Variants in SRGAP1 observed in about 807,000 individuals in gnomAD.
SRGAP1 encodes SLIT-ROBO Rho GTPase-activating protein 1.
A neutral mutation model predicts 121.9 loss-of-function variants in SRGAP1; 43 were observed. The ratio of observed to expected loss-of-function variants is 0.35; its 90% CI spans 0.28 to 0.46. The LOEUF (loss-of-function observed/expected upper bound fraction) is 0.46. Among genes scored for constraint, SRGAP1 ranks in the 20% least tolerant of loss-of-function variants. The probability of loss-of-function intolerance (pLI) is 1.00; values close to 1 mark genes in which losing one functional copy is unlikely to be tolerated. For synonymous variants in SRGAP1, 447 were observed against 485.4 expected (o/e 0.92, Z 1.04); for missense variants, 1,102 against 1,350.9 (o/e 0.82, Z 2.89).
chr12:63,919,282 TC>T (rs1333071193), intron 1 of SRGAP1, among the ~76,000 whole-genome samples: 1 of 152,016 alleles, frequency 6.6e-6, no homozygotes, highest in Non-Finnish European at 1.5e-5. Context: ...GATCTGGAAC[TC>T]CTGGGCTCAA....
At chr12:63,880,757 C>A (rs1424745471) in intron 1 of SRGAP1, among the ~76,000 whole-genome samples, 2 of 152,126 alleles carry the variant, frequency 1.3e-5, no homozygotes, top group Non-Finnish European at 2.9e-5. Context: ...TATTATACTG[C>A]CATTATTTTA....
intron 18 of SRGAP1, among the ~76,000 whole-genome samples, chr12:64,117,561 C>T (rs1592337596): frequency 6.6e-6 from 1 of 152,282 alleles, no homozygotes; most frequent in African/African-American, 2.4e-5. Context: ...TTCGCATCTC[C>T]TTTAAGAAAT....
chr12:63,913,512 T>C (rs2136319410), intron 1 of SRGAP1, among the ~76,000 whole-genome samples: 1 of 145,410 alleles, frequency 6.9e-6, no homozygotes, highest in African/African-American at 2.5e-5. Flanking sequence ...TATGTGTATA[T>C]ATATATACAT....
At chr12:64,101,441 T>G (rs367633859) in intron 15 of SRGAP1, among the ~76,000 whole-genome samples, 2 of 151,912 alleles carry the variant, frequency 1.3e-5, no homozygotes, top group African/African-American at 4.8e-5. Flanking sequence ...CAAAGGAAAT[T>G]TATCTTAGCA....
At chr12:63,854,431 T>C (rs1370503934) in intron 1 of SRGAP1, among the ~76,000 whole-genome samples, 4 of 152,150 alleles carry the variant, frequency 2.6e-5, no homozygotes, top group Non-Finnish European at 2.9e-5. Flanking sequence ...TGAGTAATAA[T>C]GGATGAAATT....
chr12:63,889,929 G>T (rs753478334), intron 1 of SRGAP1, among the ~76,000 whole-genome samples: 2 of 151,798 alleles, frequency 1.3e-5, no homozygotes, highest in African/African-American at 2.4e-5. Flanking sequence ...GAAAGAAAAA[G>T]AATTTCTGAT....
rs2037156639 is a variant in SRGAP1, at chr12:64,155,440, A to T, written c.*12768A>T. The T allele has an allele frequency of 6.6e-6, 1 of 151,016 alleles. No individual in the cohort carries two copies. The highest frequency in any genetic ancestry group is 6.6e-5 in the Admixed American group (1 of 15,138). 9.4% of individuals were successfully genotyped at this position (151,016 alleles called of 1,614,324 possible). A position where few individuals can be genotyped will look rare whatever the true frequency, so the allele number is the denominator to read the frequency against. ...CCGCCTATAGTCCCAGCTGTTCGGGAGGCTGAGGCAGGAGAATTGCTTGAA... is the reference window on the plus strand; with the variant it reads ...CCGCCTATAGTCCCAGCTGTTCGGGTGGCTGAGGCAGGAGAATTGCTTGAA... On this transcript the variant is annotated 3_prime_UTR_variant, in exon 22 of 22. Transcript: ENST00000355086.
At position 64,080,577 on chromosome 12, in the gene SRGAP1, G is replaced by A. The variant is rs1269264322; in HGVS notation, c.1408+207G>A. 2.0e-5 allele frequency: 13 copies of A among 638,708 alleles called. No individual in the cohort carries two copies. The Admixed American group carries it at 2.6e-4, about 13-fold the overall frequency. 39.6% of individuals were successfully genotyped at this position (638,708 alleles called of 1,614,324 possible). ...ATGGTGCTAACCTTGAGGAAGCGTA[G>A]TGAAATCTAGGGAGGGCTGGAAAGT... is the stretch of plus-strand genomic sequence containing the variant. On this transcript the variant is annotated intron_variant, in intron 10 of 21. Transcript: ENST00000355086.
intron 6 of SRGAP1, among the ~76,000 whole-genome samples, chr12:64,045,615 T>C (rs1565655142): frequency 6.6e-6 from 1 of 152,050 alleles, no homozygotes; most frequent in Non-Finnish European, 1.5e-5. Flanking sequence ...TTTGTATTTT[T>C]AGTAGAGATG....
chr12:64,068,128 A>ATCCT (rs2136544153), intron 8 of SRGAP1, among the ~76,000 whole-genome samples: 1 of 151,926 alleles, frequency 6.6e-6, no homozygotes, highest in African/African-American at 2.4e-5. Flanking sequence ...AAATATGAAA[A>ATCCT]ATTAGCTGGG....
At chr12:63,910,526 A>G (rs928641571) in intron 1 of SRGAP1, among the ~76,000 whole-genome samples, 1 of 152,156 alleles carries the variant, frequency 6.6e-6, no homozygotes. Flanking sequence ...CTTCTGACCC[A>G]TTTTGATCTT....
chr12:63,885,301 C>T (rs1025554076), intron 1 of SRGAP1, among the ~76,000 whole-genome samples: 1 of 152,046 alleles, frequency 6.6e-6, no homozygotes, highest in South Asian at 2.1e-4. Context: ...GGGAAACACG[C>T]TTACTGGTTT....
At chr12:64,116,050 T>G in intron 18 of SRGAP1, 157 bp downstream of exon 18, 4 of 614,216 alleles carry the variant, frequency 6.5e-6, no homozygotes, top group East Asian at 5.9e-5. Context: ...AGCCCAGGAG[T>G]TCAACACCAG....
At chr12:63,926,667 A>C (rs775567220) in intron 1 of SRGAP1, among the ~76,000 whole-genome samples, 18 of 152,278 alleles carry the variant, frequency 1.2e-4, no homozygotes, top group Middle Eastern at 6.8e-3. Context: ...TTAACATATC[A>C]CCTCGATTAC....
intron 1 of SRGAP1, among the ~76,000 whole-genome samples, chr12:63,978,070 G>C (rs1015569594): frequency 6.6e-6 from 1 of 152,090 alleles, no homozygotes; most frequent in Non-Finnish European, 1.5e-5. Context: ...CCCCATGTTG[G>C]ACATTTGACA....
At chr12:63,895,467 A>G (rs1900722960) in intron 1 of SRGAP1, among the ~76,000 whole-genome samples, 1 of 152,230 alleles carries the variant, frequency 6.6e-6, no homozygotes. Flanking sequence ...TTGGAAATGT[A>G]CTGGACAGAG....
At chr12:64,139,688 G>A (rs1277272009) in intron 21 of SRGAP1, among the ~76,000 whole-genome samples, 1 of 151,584 alleles carries the variant, frequency 6.6e-6, no homozygotes, top group Non-Finnish European at 1.5e-5. Context: ...CCATTTTGTA[G>A]GTTGCCTGTT....
intron 1 of SRGAP1, among the ~76,000 whole-genome samples, chr12:63,852,740 A>G (rs1899116543): frequency 6.6e-6 from 1 of 152,234 alleles, no homozygotes; most frequent in Non-Finnish European, 1.5e-5. Flanking sequence ...AGATAAAGTC[A>G]CTGCCTTAAT....
At chr12:63,930,319 C>A (rs1440933266) in intron 1 of SRGAP1, among the ~76,000 whole-genome samples, 3 of 123,214 alleles carry the variant, frequency 2.4e-5, no homozygotes, top group South Asian at 2.6e-4. Context: ...GGTGAAACAT[C>A]GTCTCTACTA....
Sources: gnomAD v4.1 joint callset for allele counts (sites outside exome capture counted in the v4.1 genomes callset) on GRCh38, gnomAD v4.1.1 for gene constraint, MANE v1.5 for transcripts, NCBI Gene and HGNC (gene_info 2026-07-23, HGNC 2026-07-21) for gene names.